The following UXS1 variants were observed in gnomAD, a reference collection of about 807,000 sequenced individuals.
UXS1 encodes UDP-glucuronate decarboxylase 1.
UXS1 carries 33 observed loss-of-function variants against 62.6 expected under a neutral mutation model. That is an observed-to-expected ratio of 0.53 (90% CI 0.40 to 0.70). The LOEUF (loss-of-function observed/expected upper bound fraction) is 0.70. Ranked by LOEUF, UXS1 falls within the 30% of genes least tolerant of loss-of-function variation. The pLI is 0.00. For missense variants in UXS1, 434 were observed against 556.3 expected (o/e 0.78, Z 2.21); for synonymous variants, 213 against 206.8 (o/e 1.03, Z -0.26).
At chr2:106,142,340 AATAT>A (rs1681178922) in intron 6 of UXS1, among the ~76,000 whole-genome samples, 1 of 152,246 alleles carries the variant, frequency 6.6e-6, no homozygotes, top group South Asian at 2.1e-4. Context: ...TTCTTTATCA[AATAT>A]ATAAACAAGA....
intron 2 of UXS1, among the ~76,000 whole-genome samples, chr2:106,165,521 C>T (rs533288751): frequency 6.6e-6 from 1 of 151,692 alleles, no homozygotes; most frequent in African/African-American, 2.4e-5. Context: ...TTTTTAAAGG[C>T]TATTTTTTTT....
intron 1 of UXS1, among the ~76,000 whole-genome samples, chr2:106,187,782 C>T (rs1381501870): frequency 1.3e-5 from 2 of 149,490 alleles, no homozygotes; most frequent in African/African-American, 4.9e-5. Context: ...GCTTTTGTTG[C>T]CCAGGCTGGA....
At chr2:106,095,980 C>A (rs1677047365) in intron 14 of UXS1, among the ~76,000 whole-genome samples, 2 of 152,208 alleles carry the variant, frequency 1.3e-5, no homozygotes, top group Admixed American at 1.3e-4. Context: ...AGTAGACACA[C>A]TGAAGACAAC....
intron 1 of UXS1, among the ~76,000 whole-genome samples, chr2:106,174,424 G>A (rs11124087): frequency 0.98 from 149,194 of 152,320 alleles, 73,126 homozygotes; most frequent in South Asian, 1. Context: ...CACCGGTCCT[G>A]AGGGTGAGGA....
chr2:106,191,473 A>G (rs895734399), intron 1 of UXS1, among the ~76,000 whole-genome samples: 1 of 152,182 alleles, frequency 6.6e-6, no homozygotes, highest in Admixed American at 6.5e-5. Context: ...TTCCCTGCAG[A>G]GTGGCTCAGA....
At chr2:106,140,346 G>GCCA (rs1357444352) in intron 6 of UXS1, among the ~76,000 whole-genome samples, 2 of 152,166 alleles carry the variant, frequency 1.3e-5, no homozygotes, top group Non-Finnish European at 2.9e-5. Context: ...ATCTCTAAGA[G>GCCA]CCACCACTGC....
chr2:106,103,207 C>G (rs562054998), intron 11 of UXS1, among the ~76,000 whole-genome samples: 1 of 152,328 alleles, frequency 6.6e-6, no homozygotes, highest in Admixed American at 6.5e-5. Context: ...TTAGTCCTAG[C>G]AAAAAGAAAA....
chr2:106,146,772 C>CAA (rs55896853), intron 5 of UXS1, among the ~76,000 whole-genome samples: 10,295 of 44,664 alleles, frequency 0.23, 1,881 homozygotes, highest in Non-Finnish European at 0.3. Flanking sequence ...GACTCCATCT[C>CAA]AAAAAAAAAA....
Position 106,180,950 on chromosome 2 carries a change from G to A in UXS1, c.94+13198C>T, listed in dbSNP as rs376031376. ...TAAAGAGATGTAGGCTCCACCTAAG[G>A]ATATGTGACAATATTTTACCTCAAA... On this transcript the variant is annotated intron_variant, in intron 1 of 14. Transcript: ENST00000283148. 3.9e-5 allele frequency among the ~76,000 whole-genome samples: 6 copies of A among 152,270 alleles called. No homozygotes were observed. The South Asian group carries it at 1.2e-3, about 32-fold the overall frequency.
chr2:106,187,702 T>G (rs564140019), intron 1 of UXS1, among the ~76,000 whole-genome samples: 12 of 151,032 alleles, frequency 7.9e-5, no homozygotes, highest in African/African-American at 2.7e-4. Context: ...AAAAATTACA[T>G]AAATGTTACT....
intron 1 of UXS1, among the ~76,000 whole-genome samples, chr2:106,176,353 A>AT (rs1393056297): frequency 1.3e-5 from 2 of 152,266 alleles, no homozygotes; most frequent in African/African-American, 4.8e-5. Flanking sequence ...CTTAAAGCAG[A>AT]TAAGAATATG....
chr2:106,137,790 C>T (rs1172766555), intron 6 of UXS1, among the ~76,000 whole-genome samples: 1 of 151,464 alleles, frequency 6.6e-6, no homozygotes, highest in East Asian at 1.9e-4. Flanking sequence ...AGCAAAACTC[C>T]GTCTCAAAAA....
In UXS1 at chr2:106,194,214, C is replaced by A; in HGVS notation, c.28G>T (p.Val10Leu). MVSKALLRL[V>L]SAVNRRRMKL... ...ATCCTCCTGCGGTTGACGGCAGACA[C>A]GAGGCGCAGCAGCGCCTTGCTCACC... Residue 10 changes from valine (V) to leucine (L), a missense_variant, in exon 1 of 15, where the codon GTG becomes TTG. Physicochemically the swap from Val to Leu is conservative, Grantham distance 32. Around this residue, in one of 3 missense-constraint regions of UXS1, gnomAD observed 91 missense variants for 71.1 expected, o/e 1.28. Transcript: ENST00000283148. The A allele has an allele frequency of 1.4e-6, 2 of 1,464,908 alleles. No homozygotes were observed. The highest frequency in any genetic ancestry group is 3.1e-5 in the East Asian group (1 of 32,232). The allele number at this position is 1,464,908 out of a possible 1,614,324, so 90.7% of individuals were successfully genotyped here.
At chr2:106,111,589 G>A (rs1678614102) in intron 10 of UXS1, among the ~76,000 whole-genome samples, 1 of 152,092 alleles carries the variant, frequency 6.6e-6, no homozygotes, top group Admixed American at 6.5e-5. Context: ...ACCACTGTGT[G>A]GCCACCTAAG....
At chr2:106,127,271 C>T (rs1231388442) in intron 7 of UXS1, among the ~76,000 whole-genome samples, 4 of 152,176 alleles carry the variant, frequency 2.6e-5, no homozygotes, top group Non-Finnish European at 5.9e-5. Flanking sequence ...AATACAATTA[C>T]TGAGTCTTAC....
chr2:106,161,465 G>C (rs1200699576), intron 4 of UXS1, among the ~76,000 whole-genome samples: 1 of 151,668 alleles, frequency 6.6e-6, no homozygotes, highest in Non-Finnish European at 1.5e-5. Context: ...ACTTATTCAG[G>C]AACTTTCCAT....
intron 5 of UXS1, among the ~76,000 whole-genome samples, chr2:106,153,403 CCCA>C (rs1182471356): frequency 6.6e-6 from 1 of 152,200 alleles, no homozygotes; most frequent in Non-Finnish European, 1.5e-5. Context: ...GCCTGTTAGA[CCCA>C]CCATCATCCC....
In UXS1 at chr2:106,094,305, T is replaced by C. The variant is rs983502402; in HGVS notation, c.1147-148A>G. The C allele has an allele frequency of 3.2e-6, 3 of 934,114 alleles. No homozygotes were observed. In the African/African-American group the frequency reaches 5.2e-5, roughly 16 times the overall value. 57.9% of individuals were successfully genotyped at this position (934,114 alleles called of 1,614,324 possible). A position where few individuals can be genotyped will look rare whatever the true frequency, so the allele number is the denominator to read the frequency against. ...GAACACTCACAGAACCATGCTTTGG[T>C]TGTGACAGCATCCAGCATCACGGCC... is the stretch of plus-strand genomic sequence containing the variant. On this transcript the variant is annotated intron_variant, in intron 14 of 14. Transcript: ENST00000283148.
At chr2:106,131,075 G>T (rs1251788468) in intron 6 of UXS1, among the ~76,000 whole-genome samples, 1 of 149,898 alleles carries the variant, frequency 6.7e-6, no homozygotes, top group Admixed American at 6.6e-5. Context: ...GAAGCAGGGC[G>T]AGGCATTGCC....
Sources: gnomAD v4.1 joint callset for allele counts (sites outside exome capture counted in the v4.1 genomes callset) on GRCh38, gnomAD v4.1.1 for gene constraint, gnomAD v4.1.1 regional missense constraint, MANE v1.5 for transcripts, NCBI Gene and HGNC (gene_info 2026-07-23, HGNC 2026-07-21) for gene names.